The following ARID1B variants were observed in gnomAD, a reference collection of about 807,000 sequenced individuals.
The protein encoded by ARID1B is AT-rich interactive domain-containing protein 1B.
In ARID1B, 30 loss-of-function variants were observed where a neutral mutation model predicts 212.3. The observed-to-expected ratio is 0.14, with a 90% confidence interval of 0.11 to 0.19. The LOEUF (loss-of-function observed/expected upper bound fraction) is 0.19, where lower values mean the gene tolerates loss of function less well. ARID1B is among the 10% of genes least tolerant of loss of function. The probability of loss-of-function intolerance (pLI) is 1.00; values close to 1 mark genes in which losing one functional copy is unlikely to be tolerated. For synonymous variants in ARID1B, 1,402 were observed against 1,301.7 expected (o/e 1.08, Z -1.66); for missense variants, 2,891 against 3,204.0 (o/e 0.90, Z 2.36).
chr6:156,777,357 C>G (rs1179587572), upstream of ARID1B: 1 of 151,462 alleles, frequency 6.6e-6, no homozygotes, highest in Non-Finnish European at 1.5e-5. Context: ...AATAGTTGCT[C>G]GAGCTCGCCC....
chr6:157,004,903 T>TGTTTTTTTG (rs1159982323), intron 4 of ARID1B, among the ~76,000 whole-genome samples: 6 of 82,196 alleles, frequency 7.3e-5, no homozygotes, highest in Non-Finnish European at 9.5e-5. Flanking sequence ...TTTTCTTTTT[T>TGTTTTTTTG]TTTTTTTTTT....
chr6:156,869,047 G>GT lies in ARID1B; in HGVS notation c.1987-32321dup, dbSNP rs765793343. Among the ~76,000 whole-genome samples the GT allele has an allele frequency of 2.9e-4, 44 of 151,574 alleles. No homozygotes were observed. The East Asian group carries it at 5.0e-3, about 17-fold the overall frequency. On this transcript the variant is annotated intron_variant, in intron 2 of 19. Transcript: ENST00000636930. ...TTCTGATTTAAAAAAAAATGAATTTGTTTTTTTTGCCTCTAAAGCGTTAAA... is the reference window on the plus strand; with the variant it reads ...TTCTGATTTAAAAAAAAATGAATTTGTTTTTTTTTGCCTCTAAAGCGTTAAA...
At chr6:157,150,422 C>T (rs1790109377) in intron 8 of ARID1B, 1 of 152,370 alleles carries the variant, frequency 6.6e-6, no homozygotes, top group Non-Finnish European at 1.5e-5. Flanking sequence ...CATTTTAGCT[C>T]ACCAGGAGTT....
At position 156,778,178 on chromosome 6, in the gene ARID1B, GCACCACCAC is replaced by G. The variant is rs752012879; in HGVS notation, c.507_515del (p.His170_His172del). The G allele has an allele frequency of 6.5e-7, 1 of 1,538,878 alleles. No homozygotes were observed. Among genetic ancestry groups the G allele is most frequent in the Admixed American group, 2.0e-5 (1 of 50,822 alleles). ...CCCCCGCCGCGCCGCCCCACCAGCA[GCACCACCAC>G]CACCACCATGCCCACCACCACCACC... On this transcript the variant is annotated inframe_deletion, in exon 1 of 20. Transcript: ENST00000636930.
intron 4 of ARID1B, among the ~76,000 whole-genome samples, chr6:156,958,501 T>G (rs1049928851): frequency 6.6e-6 from 1 of 152,242 alleles, no homozygotes; most frequent in Non-Finnish European, 1.5e-5. Flanking sequence ...GCCTTTGTAG[T>G]GTGCTATTAT....
At chr6:157,080,154 T>C (rs1784555088) in intron 4 of ARID1B, among the ~76,000 whole-genome samples, 1 of 152,184 alleles carries the variant, frequency 6.6e-6, no homozygotes, top group Admixed American at 6.5e-5. Flanking sequence ...GATGCCCAAA[T>C]GTGTGCAGTG....
At chr6:157,186,611 T>G (rs1404553111) in intron 13 of ARID1B, 1 of 455,632 alleles carries the variant, frequency 2.2e-6, no homozygotes, top group Non-Finnish European at 4.6e-6. Flanking sequence ...AATAAAATTA[T>G]TCCCAACTAT....
At chr6:156,967,989 A>G (rs1268620560) in intron 4 of ARID1B, among the ~76,000 whole-genome samples, 1 of 152,154 alleles carries the variant, frequency 6.6e-6, no homozygotes, top group Admixed American at 6.5e-5. Flanking sequence ...TTTCCTGTTC[A>G]TTCAGTCCTA....
chr6:157,185,746 G>C (rs1042487831), intron 13 of ARID1B: 7 of 152,234 alleles, frequency 4.6e-5, no homozygotes, highest in Non-Finnish European at 7.3e-5. Flanking sequence ...TCTAGCTGCT[G>C]TCTGGATGGC....
chr6:156,781,724 A>G (rs1779283493), intron 1 of ARID1B, among the ~76,000 whole-genome samples: 1 of 152,084 alleles, frequency 6.6e-6, no homozygotes, highest in Non-Finnish European at 1.5e-5. Flanking sequence ...ACGAGGAAAA[A>G]CATTATAGAG....
chr6:156,781,225 C>T (rs191848125), intron 1 of ARID1B, among the ~76,000 whole-genome samples: 113 of 152,020 alleles, frequency 7.4e-4, no homozygotes, highest in African/African-American at 2.5e-3. Context: ...CTGTGAAATA[C>T]TAAGAATCAT....
intron 2 of ARID1B, among the ~76,000 whole-genome samples, chr6:156,866,346 C>T (rs977770670): frequency 2.6e-5 from 4 of 152,140 alleles, no homozygotes; most frequent in African/African-American, 4.8e-5. Context: ...CCCCATCTAC[C>T]GCCACACTAT....
chr6:156,787,825 A>G (rs1779746938), intron 1 of ARID1B, among the ~76,000 whole-genome samples: 1 of 152,118 alleles, frequency 6.6e-6, no homozygotes, highest in Non-Finnish European at 1.5e-5. Flanking sequence ...CACAATGGTA[A>G]GATCATGGGC....
At chr6:156,915,868 T>A (rs959833178) in intron 3 of ARID1B, among the ~76,000 whole-genome samples, 1 of 151,192 alleles carries the variant, frequency 6.6e-6, no homozygotes, top group African/African-American at 2.4e-5. Flanking sequence ...TGCACTCCAG[T>A]CTGGGTGGAC....
intron 1 of ARID1B, among the ~76,000 whole-genome samples, chr6:156,809,713 G>GAAAAAA (rs370188789): frequency 1.2e-3 from 123 of 104,444 alleles, no homozygotes; most frequent in African/African-American, 3.9e-3. Flanking sequence ...CTTTTTCAAA[G>GAAAAAA]AAAAAAAAAA....
Position 156,869,568 on chromosome 6 carries a change from A to G in ARID1B, c.1987-31808A>G, listed in dbSNP as rs768120044. On this transcript the variant is annotated intron_variant, in intron 2 of 19. Coordinates refer to ENST00000636930, the MANE Select transcript of ARID1B (RefSeq NM_001374828.1). Reference sequence around the variant, plus strand: ...GGTTTTCAGGAAGTCTCAGTGACCTATATTAACTACTTTTTATAAGGGCGA... The same window carrying G: ...GGTTTTCAGGAAGTCTCAGTGACCTGTATTAACTACTTTTTATAAGGGCGA... 2.0e-5 allele frequency among the ~76,000 whole-genome samples: 3 copies of G among 152,168 alleles called. No homozygotes were observed. In the South Asian group the frequency reaches 6.2e-4, roughly 31 times the overall value.
chr6:157,089,030 A>G lies in ARID1B; in HGVS notation c.2491+4125A>G, dbSNP rs540669987. 3.3e-5 allele frequency among the ~76,000 whole-genome samples: 5 copies of G among 152,220 alleles called. No homozygotes were observed. The South Asian group carries it at 1.0e-3, about 32-fold the overall frequency. On this transcript the variant is annotated intron_variant, in intron 5 of 19. Transcript: ENST00000636930. Reference sequence around the variant, plus strand: ...CTCTTCTCTCCTGTTGCTTCCTGCCATATCTCATCACCTCCTCTCCATGTC... The same window carrying G: ...CTCTTCTCTCCTGTTGCTTCCTGCCGTATCTCATCACCTCCTCTCCATGTC...
In ARID1B at chr6:157,074,307, A is replaced by G. The variant is rs112906106; in HGVS notation, c.2248-10355A>G. On this transcript the variant is annotated intron_variant, in intron 4 of 19. Transcript: ENST00000636930. Reference sequence around the variant, plus strand: ...TGGTGCACACTCTCAGCTCACTGCAACCTCAGCCTCCGGGGTTCAAGCAAT... The same window carrying G: ...TGGTGCACACTCTCAGCTCACTGCAGCCTCAGCCTCCGGGGTTCAAGCAAT... Among the ~76,000 whole-genome samples, 936 of 152,196 alleles carry G rather than the reference A, an allele frequency of 6.1e-3. 19 individuals carry two copies. Among genetic ancestry groups the G allele is most frequent in the African/African-American group, 0.022 (900 of 41,520 alleles).
rs1487205662 is a variant in ARID1B at position 156,829,388 on chromosome 6, G to A, written c.1953G>A (p.Gly651=). The change falls in exon 2 of 20, where the codon GGG becomes GGA. Residue 651 remains glycine (G), a synonymous_variant. Coordinates refer to ENST00000636930, the MANE Select transcript of ARID1B (RefSeq NM_001374828.1). ...YPIGIQGRTP[G]AMAGMQYPQQ... ...TTGGCATCCAGGGTCGGACTCCCGG[G>A]GCCATGGCCGGAATGCAGTACCCTC... The A allele has an allele frequency of 3.7e-6, 6 of 1,614,154 alleles. No homozygotes were observed. Among genetic ancestry groups the A allele is most frequent in the Non-Finnish European group, 5.1e-6 (6 of 1,180,024 alleles).
Sources: gnomAD v4.1 joint callset for allele counts (sites outside exome capture counted in the v4.1 genomes callset) on GRCh38, gnomAD v4.1.1 for gene constraint, MANE v1.5 for transcripts, NCBI Gene and HGNC (gene_info 2026-07-23, HGNC 2026-07-21) for gene names.